USP10: variants seen among roughly 807,000 people sequenced by gnomAD.
The protein encoded by USP10 is ubiquitin carboxyl-terminal hydrolase 10.
A neutral mutation model predicts 84.5 loss-of-function variants in USP10; 22 were observed. That is an observed-to-expected ratio of 0.26 (90% CI 0.19 to 0.37). The LOEUF is 0.37. USP10 is among the 10% of genes least tolerant of loss of function. The probability of loss-of-function intolerance (pLI) is 1.00; values close to 1 mark genes in which losing one functional copy is unlikely to be tolerated. For missense variants in USP10, 1,019 were observed against 998.9 expected (o/e 1.02, Z -0.27); for synonymous variants, 454 against 387.6 (o/e 1.17, Z -2.01).
Position 84,718,819 on chromosome 16 carries a change from G to A in USP10, c.22-14616G>A, listed in dbSNP as rs112179724. Among the ~76,000 whole-genome samples, 205 of 151,652 alleles carry A rather than the reference G, an allele frequency of 1.4e-3. 1 individual carries two copies. Among genetic ancestry groups the A allele is most frequent in the African/African-American group, 4.7e-3 (193 of 41,356 alleles). On this transcript the variant is annotated intron_variant, in intron 1 of 13. Coordinates refer to ENST00000219473, the MANE Select transcript of USP10 (RefSeq NM_005153.3). ...TTGTTGTTGTTGTTTTTGAGAAGGA[G>A]TCTTTCTCTGTCACCCAGGCTGGAG...
intron 3 of USP10, among the ~76,000 whole-genome samples, chr16:84,744,105 AATTTATACTTTCT>A (rs1910938817): frequency 6.6e-6 from 1 of 150,868 alleles, no homozygotes; most frequent in African/African-American, 2.4e-5. Flanking sequence ...TTTGTTTTTA[AATTTATACTTTCT>A]AATTTCTCCT....
intron 1 of USP10, among the ~76,000 whole-genome samples, chr16:84,726,546 C>T (rs1417175008): frequency 2.0e-5 from 3 of 152,232 alleles, no homozygotes; most frequent in Non-Finnish European, 4.4e-5. Context: ...GGCTATGCTT[C>T]AGGGAGGAAG....
intron 4 of USP10, among the ~76,000 whole-genome samples, chr16:84,750,617 T>C (rs1911818539): frequency 6.6e-6 from 1 of 152,222 alleles, no homozygotes. Flanking sequence ...CCTGGGTCTT[T>C]ACTAAGGAAC....
At chr16:84,731,335 A>G (rs1018206317) in intron 1 of USP10, among the ~76,000 whole-genome samples, 3 of 151,782 alleles carry the variant, frequency 2.0e-5, no homozygotes, top group East Asian at 1.9e-4. Flanking sequence ...GCCATAGGCA[A>G]TGTGCACAGA....
chr16:84,723,748 C>T (rs188438126), intron 1 of USP10, among the ~76,000 whole-genome samples: 8 of 152,278 alleles, frequency 5.3e-5, no homozygotes, highest in African/African-American at 9.6e-5. Flanking sequence ...AACGTATGTG[C>T]GGTGAATTTC....
In USP10 at chr16:84,763,153, C is replaced by T. The variant is rs887881557; in HGVS notation, c.1654+65C>T. On this transcript the variant is annotated intron_variant, in intron 9 of 13. Coordinates refer to ENST00000219473, the MANE Select transcript of USP10 (RefSeq NM_005153.3). Reference sequence around the variant, plus strand: ...TCGCTGTAAACAGGTGTTGCATACTCATATGTTATGTTGCTTCCCTGCCCC... The same window carrying T: ...TCGCTGTAAACAGGTGTTGCATACTTATATGTTATGTTGCTTCCCTGCCCC... 23 of 983,982 alleles carry T rather than the reference C, an allele frequency of 2.3e-5. No individual in the cohort carries two copies. In the African/African-American group the frequency reaches 3.2e-4, roughly 14 times the overall value. The allele number at this position is 983,982 out of a possible 1,614,324, so 61.0% of individuals were successfully genotyped here.
chr16:84,768,668 C>T (rs546686272), intron 11 of USP10, among the ~76,000 whole-genome samples: 1 of 152,258 alleles, frequency 6.6e-6, no homozygotes, highest in Admixed American at 6.5e-5. Context: ...CTGACAGAGG[C>T]CAAATAGCTT....
At position 84,700,002 on chromosome 16, in the gene USP10, G is replaced by C. The variant is rs574023347; in HGVS notation, c.-89G>C. ...TGCGCAGGCGCGGCGGCCGATGCGA[G>C]TGTGTATGTGCGGGCGAGAAGATGG... On this transcript the variant is annotated 5_prime_UTR_variant, in exon 1 of 14. Transcript: ENST00000219473. The C allele has an allele frequency of 3.3e-5, 41 of 1,225,324 alleles. No individual in the cohort carries two copies. In the East Asian group the frequency reaches 3.8e-4, roughly 11 times the overall value. 75.9% of individuals were successfully genotyped at this position (1,225,324 alleles called of 1,614,324 possible). A position where few individuals can be genotyped will look rare whatever the true frequency, so the allele number is the denominator to read the frequency against.
At chr16:84,700,218 G>C (rs948985381) in intron 1 of USP10, 107 bp downstream of exon 1, 2 of 908,938 alleles carry the variant, frequency 2.2e-6, no homozygotes, top group Non-Finnish European at 2.8e-6. Flanking sequence ...GTGTGGGAGT[G>C]GGGGAGGGCG....
At chr16:84,765,114 G>A (rs747370223) in intron 10 of USP10, among the ~76,000 whole-genome samples, 7 of 151,170 alleles carry the variant, frequency 4.6e-5, no homozygotes, top group African/African-American at 1.2e-4. Flanking sequence ...GTTTTGGTAA[G>A]AGAAGACAGT....
At chr16:84,738,707 TC>T (rs1365682097) in intron 2 of USP10, among the ~76,000 whole-genome samples, 1 of 152,238 alleles carries the variant, frequency 6.6e-6, no homozygotes, top group Admixed American at 6.5e-5. Flanking sequence ...GGTGTTGGCT[TC>T]TTTTGAATTG....
intron 4 of USP10, among the ~76,000 whole-genome samples, chr16:84,750,497 C>T (rs997175810): frequency 6.6e-6 from 1 of 152,014 alleles, no homozygotes; most frequent in Non-Finnish European, 1.5e-5. Context: ...ATGGCAGACA[C>T]GTGGGGAGTG....
At chr16:84,764,939 A>AAAAAAAAAAATATATAT in intron 10 of USP10, among the ~76,000 whole-genome samples, 1 of 132,268 alleles carries the variant, frequency 7.6e-6, no homozygotes, top group South Asian at 2.7e-4. Context: ...GAGAAAAAAA[A>AAAAAAAAAAATATATAT]ATATATATAT....
chr16:84,757,546 T>C (rs1597376796), intron 4 of USP10, among the ~76,000 whole-genome samples: 2 of 152,274 alleles, frequency 1.3e-5, no homozygotes, highest in East Asian at 1.9e-4. Context: ...TTTTGAGCGA[T>C]GCCTTAGATG....
At chr16:84,731,227 C>A (rs1909185633) in intron 1 of USP10, among the ~76,000 whole-genome samples, 1 of 151,756 alleles carries the variant, frequency 6.6e-6, no homozygotes, top group South Asian at 2.1e-4. Flanking sequence ...GATCCGCCCA[C>A]CTCGGCCTCC....
chr16:84,729,671 C>T (rs775586782), intron 1 of USP10, among the ~76,000 whole-genome samples: 2 of 152,062 alleles, frequency 1.3e-5, no homozygotes, highest in Non-Finnish European at 2.9e-5. Flanking sequence ...TCGAAAGGAC[C>T]GGTTTTAAAT....
At chr16:84,705,322 C>T (rs951285884) in intron 1 of USP10, among the ~76,000 whole-genome samples, 1 of 151,922 alleles carries the variant, frequency 6.6e-6, no homozygotes, top group Non-Finnish European at 1.5e-5. Flanking sequence ...ACTTCTGCCT[C>T]CCGGGTTCAA....
At chr16:84,772,312 A>G (rs894170781) in intron 11 of USP10, among the ~76,000 whole-genome samples, 1 of 152,022 alleles carries the variant, frequency 6.6e-6, no homozygotes, top group Non-Finnish European at 1.5e-5. Flanking sequence ...CAGCCTCCCA[A>G]AGTGCTGGGA....
Position 84,700,037 on chromosome 16 carries a change from G to T in USP10, c.-54G>T, listed in dbSNP as rs1192050079. ...GCGGGCGAGAAGATGGCGGCGGCGG[G>T]GGAAGCAGCGTGAGCAGCCGGAGGA... On this transcript the variant is annotated 5_prime_UTR_variant, in exon 1 of 14. Coordinates refer to ENST00000219473, the MANE Select transcript of USP10 (RefSeq NM_005153.3). 1.5e-6 allele frequency: 2 copies of T among 1,346,148 alleles called. No homozygotes were observed. Among genetic ancestry groups the T allele is most frequent in the Admixed American group, 2.6e-5 (1 of 38,670 alleles). 83.4% of individuals were successfully genotyped at this position (1,346,148 alleles called of 1,614,324 possible).
Sources: gnomAD v4.1 joint callset for allele counts (sites outside exome capture counted in the v4.1 genomes callset) on GRCh38, gnomAD v4.1.1 for gene constraint, MANE v1.5 for transcripts, NCBI Gene and HGNC (gene_info 2026-07-23, HGNC 2026-07-21) for gene names.